Variants in NADK2 observed in about 807,000 individuals in gnomAD.
NADK2 encodes NAD kinase 2, mitochondrial, also known as NAD kinase domain-containing protein 1, mitochondrial.
Under a neutral mutation model 62.1 loss-of-function variants are expected in NADK2, and 35 were observed. That is an observed-to-expected ratio of 0.56 (90% confidence interval 0.43 to 0.75). The LOEUF (loss-of-function observed/expected upper bound fraction) is 0.75, where lower values mean the gene tolerates loss of function less well. Ranked by LOEUF, NADK2 falls within the 30% of genes least tolerant of loss-of-function variation. The pLI is 0.00. For missense variants in NADK2, 439 were observed against 561.3 expected (o/e 0.78, Z 2.20); for synonymous variants, 205 against 207.9 (o/e 0.99, Z 0.12).
At chr5:36,221,489 A>G (rs1199792059) in intron 4 of NADK2, 2 of 152,234 alleles carry the variant, frequency 1.3e-5, no homozygotes, top group Non-Finnish European at 2.9e-5. Context: ...CAACTAATAA[A>G]TAGGAGAAAA....
intron 7 of NADK2, among the ~76,000 whole-genome samples, chr5:36,209,810 T>A (rs1185536562): frequency 6.6e-6 from 1 of 152,180 alleles, no homozygotes; most frequent in Non-Finnish European, 1.5e-5. Flanking sequence ...TCTTTGTTAT[T>A]CATCTTTACA....
chr5:36,227,637 A>G, intron 1 of NADK2, 72 bp from the exon 2 acceptor site: 1 of 751,290 alleles, frequency 1.3e-6, no homozygotes, highest in East Asian at 3.4e-5. Context: ...TATGATTTTT[A>G]AAAGCCCCGT....
At chr5:36,200,347 T>C in intron 9 of NADK2, 67 bp from the exon 10 acceptor site, 1 of 1,027,180 alleles carries the variant, frequency 9.7e-7, no homozygotes, top group Non-Finnish European at 1.3e-6. Context: ...ATATTTTCCT[T>C]GAAAAAGGGG....
At chr5:36,219,521 T>C in intron 5 of NADK2, 75 bp downstream of exon 5, 2 of 1,346,184 alleles carry the variant, frequency 1.5e-6, no homozygotes, top group Non-Finnish European at 2.1e-6. Flanking sequence ...TGATTTGTTC[T>C]GTTTTTTAAC....
At chr5:36,217,711 T>C (rs1158352255) in intron 6 of NADK2, 37 bp downstream of exon 6, 2 of 1,612,418 alleles carry the variant, frequency 1.2e-6, no homozygotes. Flanking sequence ...ATGAGTTAAA[T>C]ATTTCCCCAA....
intron 1 of NADK2, among the ~76,000 whole-genome samples, chr5:36,239,722 C>G (rs1748038743): frequency 6.6e-6 from 1 of 152,152 alleles, no homozygotes; most frequent in South Asian, 2.1e-4. Flanking sequence ...AAAACGTTAT[C>G]CACAGTTTCA....
chr5:36,199,048 T>C (rs1746339404), intron 10 of NADK2, among the ~76,000 whole-genome samples: 1 of 151,294 alleles, frequency 6.6e-6, no homozygotes, highest in Non-Finnish European at 1.5e-5. Flanking sequence ...CTGGGGACTG[T>C]TGTGGGGTAG....
chr5:36,219,264 G>T, intron 5 of NADK2, among the ~76,000 whole-genome samples: 1 of 152,158 alleles, frequency 6.6e-6, no homozygotes, highest in East Asian at 1.9e-4. Context: ...AGGCTGGAGT[G>T]CAGTGGCATG....
In NADK2 at chr5:36,241,363, G is replaced by A. The variant is rs371520675; in HGVS notation, c.300+136C>T. On this transcript the variant is annotated intron_variant, in intron 1 of 11. Coordinates refer to ENST00000381937, the MANE Select transcript of NADK2 (RefSeq NM_001085411.3). The surrounding 1 kb of genome is among the most constrained non-coding windows in gnomAD (Gnocchi z 4.9). Reference sequence around the variant, plus strand: ...CCCAGGGAGAAGCCAGAGGACCTGGGGGCCGCGAGAGAGGCAGGACCGGCA... The same window carrying A: ...CCCAGGGAGAAGCCAGAGGACCTGGAGGCCGCGAGAGAGGCAGGACCGGCA... The A allele has an allele frequency of 9.7e-6, 13 of 1,337,878 alleles. No homozygotes were observed. In the Admixed American group the frequency reaches 1.1e-4, roughly 12 times the overall value. The allele number at this position is 1,337,878 out of a possible 1,614,324, so 82.9% of individuals were successfully genotyped here.
intron 8 of NADK2, among the ~76,000 whole-genome samples, chr5:36,202,018 A>T (rs1023851664): frequency 2.0e-5 from 3 of 152,048 alleles, no homozygotes; most frequent in Non-Finnish European, 4.4e-5. Context: ...TCAATATATA[A>T]TCCCAAGGAA....
chr5:36,217,521 T>C (rs1397632898), intron 6 of NADK2, among the ~76,000 whole-genome samples: 1 of 152,168 alleles, frequency 6.6e-6, no homozygotes, highest in Non-Finnish European at 1.5e-5. Context: ...TTTACAATCC[T>C]TCCCTAATCA....
At chr5:36,213,684 T>C (rs1319885424) in intron 6 of NADK2, among the ~76,000 whole-genome samples, 4 of 147,580 alleles carry the variant, frequency 2.7e-5, no homozygotes, top group Non-Finnish European at 6.0e-5. Context: ...AAAACTGGCT[T>C]TAAACTGTCT....
intron 2 of NADK2, among the ~76,000 whole-genome samples, chr5:36,226,818 A>G (rs1436043043): frequency 6.6e-6 from 1 of 152,176 alleles, no homozygotes; most frequent in Admixed American, 6.5e-5. Flanking sequence ...AAAAGCTTTT[A>G]TAACCACTAG....
Position 36,235,795 on chromosome 5 carries a change from C to A in NADK2, c.300+5704G>T, listed in dbSNP as rs1185973219. On this transcript the variant is annotated intron_variant, in intron 1 of 11. Coordinates refer to ENST00000381937, the MANE Select transcript of NADK2 (RefSeq NM_001085411.3). ...ACCTTTCATTTAGGAAGAGGAGAGCCAATTGGATGAACCCTCCTTCAATGC... is the reference window on the plus strand; with the variant it reads ...ACCTTTCATTTAGGAAGAGGAGAGCAAATTGGATGAACCCTCCTTCAATGC... Among the ~76,000 whole-genome samples, 3 of 151,876 alleles carry A rather than the reference C, an allele frequency of 2.0e-5. No homozygotes were observed. In the East Asian group the frequency reaches 5.8e-4, roughly 29 times the overall value.
rs575056973 is a variant in NADK2, at chr5:36,241,617, C to T, written c.182G>A (p.Arg61His). The T allele has an allele frequency of 7.5e-5, 111 of 1,488,252 alleles. No individual in the cohort carries two copies. The East Asian group carries it at 3.0e-3, about 40-fold the overall frequency. The allele number at this position is 1,488,252 out of a possible 1,614,324, so 92.2% of individuals were successfully genotyped here. A position where few individuals can be genotyped will look rare whatever the true frequency, so the allele number is the denominator to read the frequency against. ...QPRELAGCGS[R>H]ADGGFRPSRV... Reference sequence around the variant, plus strand: ...GGAGGGGCGGAAGCCGCCGTCCGCGCGGCTGCCACAGCCCGCCAGCTCGCG... The same window carrying T: ...GGAGGGGCGGAAGCCGCCGTCCGCGTGGCTGCCACAGCCCGCCAGCTCGCG... The change falls in exon 1 of 12, where the codon CGC becomes CAC. Residue 61 changes from arginine to histidine, a missense_variant. By Grantham distance (29) the Arg-to-His change is conservative (BLOSUM62 0). Transcript: ENST00000381937. This position sits in a 1 kb window ranked among gnomAD's most constrained non-coding sequence, Gnocchi z 4.9.
At chr5:36,232,257 A>C (rs1312518229) in intron 1 of NADK2, among the ~76,000 whole-genome samples, 2 of 152,206 alleles carry the variant, frequency 1.3e-5, no homozygotes, top group Middle Eastern at 3.2e-3. Flanking sequence ...AATTTATTGC[A>C]ATTACAAATT....
At chr5:36,223,767 T>C (rs1169861645) in intron 4 of NADK2, among the ~76,000 whole-genome samples, 4 of 152,012 alleles carry the variant, frequency 2.6e-5, no homozygotes, top group Non-Finnish European at 5.9e-5. Context: ...AACTGAGAAC[T>C]GAAGGAGTGG....
rs751599225 is a variant in NADK2, at chr5:36,217,781, T to C, written c.748A>G (p.Arg250Gly). 2 of 1,613,862 alleles carry C rather than the reference T, an allele frequency of 1.2e-6. No homozygotes were observed. The highest frequency in any genetic ancestry group is 1.3e-5 in the African/African-American group (1 of 74,904). ...TGAGCTCTTTCAATGTTAAGGGCTC[T>C]ATTGTGCTGATTCAAGCTTAGCTGC... is the stretch of plus-strand genomic sequence containing the variant. ...EQQLSLNQHN[R>G]ALNIERAHDE... The change falls in exon 6 of 12, where the codon AGA becomes GGA. Residue 250 changes from arginine to glycine, a missense_variant. Arg to Gly is a moderately radical substitution (Grantham distance 125, BLOSUM62 -2). Transcript: ENST00000381937.
intron 11 of NADK2, among the ~76,000 whole-genome samples, chr5:36,196,495 AG>A (rs964524626): frequency 6.6e-6 from 1 of 152,084 alleles, no homozygotes; most frequent in African/African-American, 2.4e-5. Context: ...TACTGTCAGT[AG>A]GAACTTTTAT....
Sources: gnomAD v4.1 joint callset for allele counts (sites outside exome capture counted in the v4.1 genomes callset) on GRCh38, gnomAD v4.1.1 for gene constraint, Gnocchi (gnomAD v3.1) non-coding constraint, MANE v1.5 for transcripts, NCBI Gene and HGNC (gene_info 2026-07-23, HGNC 2026-07-21) for gene names.